The following AMMECR1 variants were observed in gnomAD, a reference collection of about 807,000 sequenced individuals.
AMMECR1 encodes AMMECR nuclear protein 1, also known as nuclear protein AMMECR1.
Under a neutral mutation model 22.5 loss-of-function variants are expected in AMMECR1, and 3 were observed. That is an observed-to-expected ratio of 0.13 (90% CI 0.06 to 0.35). The LOEUF (loss-of-function observed/expected upper bound fraction) is 0.35, where lower values mean the gene tolerates loss of function less well. AMMECR1 is among the 10% of genes least tolerant of loss of function. The pLI is 1.00. For synonymous variants in AMMECR1, 130 were observed against 116.7 expected (o/e 1.11, Z -0.74); for missense variants, 235 against 278.7 (o/e 0.84, Z 1.12).
chrX:110,389,267 A>T (rs746833186), intron 2 of AMMECR1, among the ~76,000 whole-genome samples: 1 of 112,830 alleles, frequency 8.9e-6, no homozygotes, highest in South Asian at 3.7e-4. Context: ...TTGACCAAAG[A>T]TCCTTCGTTA....
intron 2 of AMMECR1, among the ~76,000 whole-genome samples, chrX:110,357,127 T>A (rs1317182423): frequency 5.4e-5 from 6 of 111,851 alleles, no homozygotes; most frequent in Non-Finnish European, 7.5e-5. Context: ...TTAGTATAGA[T>A]CACACATATA....
upstream of AMMECR1, chrX:110,318,087 C>T (rs887490503): frequency 4.3e-6 from 5 of 1,169,492 alleles, no homozygotes; most frequent in South Asian, 2.0e-5. Flanking sequence ...AACAGTCTCC[C>T]CCACGCAGCG....
chrX:110,424,790 A>C (rs2068742685), intron 2 of AMMECR1, among the ~76,000 whole-genome samples: 1 of 112,185 alleles, frequency 8.9e-6, no homozygotes, highest in Non-Finnish European at 1.9e-5. Flanking sequence ...AACAAGGATC[A>C]AGAAGGCTCT....
At chrX:110,405,089 C>T (rs947531640) in intron 2 of AMMECR1, among the ~76,000 whole-genome samples, 2 of 43,234 alleles carry the variant, frequency 4.6e-5, no homozygotes, top group Non-Finnish European at 6.9e-5. Context: ...CTTGTTGTGT[C>T]CCCCCCCCCC....
intron 1 of AMMECR1, among the ~76,000 whole-genome samples, chrX:110,265,747 T>C (rs1364554805): frequency 8.9e-6 from 1 of 112,149 alleles, no homozygotes; most frequent in Non-Finnish European, 1.9e-5. Flanking sequence ...TAAGGGGATA[T>C]ACCATATGTT....
intron 3 of AMMECR1, among the ~76,000 whole-genome samples, chrX:110,205,142 T>C (rs982243819): frequency 1.8e-5 from 2 of 111,716 alleles, no homozygotes; most frequent in Admixed American, 1.9e-4. Context: ...AAAATCATAG[T>C]AGCTTTCTTT....
chrX:110,202,613 A>G (rs2067402504), intron 3 of AMMECR1, 77 bp from the exon 4 acceptor site: 3 of 634,652 alleles, frequency 4.7e-6, no homozygotes, highest in Non-Finnish European at 2.5e-6. Context: ...TTAACTTTCA[A>G]GAGAATGCAG....
At chrX:110,345,501 AATAT>A (rs754942099) in intron 2 of AMMECR1, among the ~76,000 whole-genome samples, 2,923 of 107,225 alleles carry the variant, frequency 0.027, 104 homozygotes, top group African/African-American at 0.093. Flanking sequence ...TAATAAAAAA[AATAT>A]ATATATATAT....
At chrX:110,383,097 C>T (rs1279582204) in intron 2 of AMMECR1, among the ~76,000 whole-genome samples, 1 of 111,774 alleles carries the variant, frequency 8.9e-6, no homozygotes, top group East Asian at 2.8e-4. Context: ...GCTTTTTCCT[C>T]CTCATCTCAG....
At chrX:110,260,565 T>C (rs1312653004) in intron 2 of AMMECR1, among the ~76,000 whole-genome samples, 1 of 111,247 alleles carries the variant, frequency 9.0e-6, no homozygotes, top group Non-Finnish European at 1.9e-5. Context: ...TATAATTTTA[T>C]TTATAAATAA....
At chrX:110,247,481 A>G (rs1026075737) in intron 2 of AMMECR1, among the ~76,000 whole-genome samples, 2 of 112,006 alleles carry the variant, frequency 1.8e-5, no homozygotes. Flanking sequence ...ACTTGAACCC[A>G]GGAGTTGAAG....
chrX:110,221,602 CAGT>C (rs1443619534), intron 2 of AMMECR1, among the ~76,000 whole-genome samples: 1 of 111,146 alleles, frequency 9.0e-6, no homozygotes, highest in Non-Finnish European at 1.9e-5. Context: ...TTTCCTTTTA[CAGT>C]AATAATAAAA....
At chrX:110,411,394 C>G (rs2068640832) in intron 2 of AMMECR1, among the ~76,000 whole-genome samples, 1 of 111,904 alleles carries the variant, frequency 8.9e-6, no homozygotes, top group Non-Finnish European at 1.9e-5. Context: ...GTGCCATTTA[C>G]TGTGACAACC....
intron 2 of AMMECR1, among the ~76,000 whole-genome samples, chrX:110,386,383 C>G (rs1384555282): frequency 1.8e-5 from 2 of 108,964 alleles, no homozygotes; most frequent in African/African-American, 6.6e-5. Flanking sequence ...AGCCATCCTA[C>G]TGTGTGTAAA....
intron 2 of AMMECR1, among the ~76,000 whole-genome samples, chrX:110,361,671 C>T (rs1288136091): frequency 7.1e-5 from 8 of 112,108 alleles, no homozygotes; most frequent in Non-Finnish European, 1.3e-4. Flanking sequence ...GTATTGCAAG[C>T]GCCTTCTCGC....
At chrX:110,432,329 C>A (rs1164610587) in intron 1 of AMMECR1, among the ~76,000 whole-genome samples, 2 of 112,501 alleles carry the variant, frequency 1.8e-5, no homozygotes, top group Non-Finnish European at 3.8e-5. Flanking sequence ...CCACTACACC[C>A]CCTGCCGGGT....
intron 2 of AMMECR1, among the ~76,000 whole-genome samples, chrX:110,339,401 TAAAAAAAAAA>T (rs10664998): frequency 2.0e-5 from 1 of 48,958 alleles, no homozygotes; most frequent in African/African-American, 6.3e-5. Context: ...TGGTTTGTTG[TAAAAAAAAAA>T]AAAAAAAAAA....
At position 110,241,633 on chromosome X, in the gene AMMECR1, G is replaced by A. The variant is rs770536190; in HGVS notation, c.584+22856C>T. 2.7e-5 allele frequency among the ~76,000 whole-genome samples: 3 copies of A among 109,369 alleles called. No homozygotes were observed. The South Asian group carries it at 1.2e-3, about 45-fold the overall frequency. 95.0% of individuals were successfully genotyped at this position (109,369 alleles called of 115,157 possible). A position where few individuals can be genotyped will look rare whatever the true frequency, so the allele number is the denominator to read the frequency against. ...AATGAGAACACATGGACACAGAGAGGGGAACATCACACACCAGGGCCTGTC... is the reference window on the plus strand; with the variant it reads ...AATGAGAACACATGGACACAGAGAGAGGAACATCACACACCAGGGCCTGTC... On this transcript the variant is annotated intron_variant, in intron 2 of 5. Transcript: ENST00000262844.
At chrX:110,434,747 C>T (rs187411758) in intron 1 of AMMECR1, among the ~76,000 whole-genome samples, 10 of 110,867 alleles carry the variant, frequency 9.0e-5, no homozygotes, top group Non-Finnish European at 1.9e-4. Context: ...TGGCTTTGAG[C>T]CCAGCTGAGA....
Sources: gnomAD v4.1 joint callset for allele counts (sites outside exome capture counted in the v4.1 genomes callset) on GRCh38, gnomAD v4.1.1 for gene constraint, MANE v1.5 for transcripts, NCBI Gene and HGNC (gene_info 2026-07-23, HGNC 2026-07-21) for gene names.